The following SHISA6 variants were observed in gnomAD, a reference collection of about 807,000 sequenced individuals.
The protein encoded by SHISA6 is protein shisa-6.
In SHISA6, 22 loss-of-function variants were observed where a neutral mutation model predicts 47.9. The ratio of observed to expected loss-of-function variants is 0.46; its 90% CI spans 0.33 to 0.66. SHISA6 has a LOEUF of 0.66. SHISA6 is among the 30% of genes least tolerant of loss of function. The pLI is 0.02. For missense variants in SHISA6, 680 were observed against 764.6 expected (o/e 0.89, Z 1.30); for synonymous variants, 388 against 337.8 (o/e 1.15, Z -1.63).
chr17:11,384,355 A>T (rs1403002622), intron 3 of SHISA6, among the ~76,000 whole-genome samples: 1 of 152,218 alleles, frequency 6.6e-6, no homozygotes, highest in Admixed American at 6.5e-5. Flanking sequence ...AGGAAGTCAT[A>T]AAAAAGATAA....
chr17:11,241,653 C>T lies in SHISA6; in HGVS notation c.231C>T (p.Pro77=). 7.0e-7 allele frequency: 1 copy of T among 1,436,918 alleles called. No individual in the cohort carries two copies. The highest frequency in any genetic ancestry group is 9.1e-7 in the Non-Finnish European group (1 of 1,102,516). 89.0% of individuals were successfully genotyped at this position (1,436,918 alleles called of 1,614,324 possible). A position where few individuals can be genotyped will look rare whatever the true frequency, so the allele number is the denominator to read the frequency against. ...AGGCGGGAAGCCGGCGGGGGCAGCC[C>T]GCGGCGGCTGTGGCGGCGGCGGCCA... ...IPEAGSRRGQ[P]AAAVAAAASA... is the part of the protein sequence containing the mutation. Residue 77 remains proline (P), a synonymous_variant, in exon 1 of 6, where the codon CCC becomes CCT. Coordinates refer to ENST00000441885, the MANE Select transcript of SHISA6 (RefSeq NM_207386.4). The surrounding 1 kb of genome is among the most constrained non-coding windows in gnomAD (Gnocchi z 5.5).
At chr17:11,297,531 C>T (rs1909793385) in intron 2 of SHISA6, among the ~76,000 whole-genome samples, 1 of 152,146 alleles carries the variant, frequency 6.6e-6, no homozygotes, top group South Asian at 2.1e-4. Context: ...GCGAGGGCAA[C>T]AAAGGAGCAA....
intron 2 of SHISA6, among the ~76,000 whole-genome samples, chr17:11,348,375 A>G (rs977048249): frequency 6.6e-6 from 1 of 152,146 alleles, no homozygotes; most frequent in African/African-American, 2.4e-5. Flanking sequence ...GTCAACTATA[A>G]ATGATTTTTT....
In SHISA6 at chr17:11,449,348, CAGG is replaced by C. The variant is rs761435576; in HGVS notation, c.895+69842_895+69844del. 3.2e-4 allele frequency among the ~76,000 whole-genome samples: 49 copies of C among 152,182 alleles called. No individual in the cohort carries two copies. In the East Asian group the frequency reaches 4.1e-3, roughly 13 times the overall value. On this transcript the variant is annotated intron_variant, in intron 3 of 5. Transcript: ENST00000441885. ...GTCCCAGCTACTCAGGAGGCTAAGG[CAGG>C]AGAATTGCTTGACTCTGAGAAGCGG...
At chr17:11,479,499 T>C (rs1161786396) in intron 3 of SHISA6, among the ~76,000 whole-genome samples, 1 of 151,870 alleles carries the variant, frequency 6.6e-6, no homozygotes, top group East Asian at 1.9e-4. Flanking sequence ...TTAGGACAAA[T>C]ACCTAATGCC....
chr17:11,470,756 G>T (rs558141816), intron 3 of SHISA6, among the ~76,000 whole-genome samples: 1 of 89,990 alleles, frequency 1.1e-5, no homozygotes, highest in East Asian at 2.5e-4. Flanking sequence ...TTCTCATTTT[G>T]CCCTGACAAA....
intron 2 of SHISA6, among the ~76,000 whole-genome samples, chr17:11,315,638 GA>G (rs1403263494): frequency 2.0e-5 from 3 of 151,904 alleles, no homozygotes; most frequent in African/African-American, 7.3e-5. Context: ...TCTGCACTTC[GA>G]ATGATCATAC....
In SHISA6 at chr17:11,557,846, T is replaced by G; in HGVS notation, c.1198T>G (p.Ser400Ala). 6.4e-7 allele frequency: 1 copy of G among 1,551,250 alleles called. No individual in the cohort carries two copies. Among genetic ancestry groups the G allele is most frequent in the East Asian group, 2.4e-5 (1 of 40,896 alleles). The change falls in exon 6 of 6, where the codon TCC becomes GCC. Residue 400 changes from serine to alanine, a missense_variant. Transcript: ENST00000441885. ...CCTCCCCCTCAATGTCATCCAGATGTCCCAACAGAAGCCGTTGCCAAGGGA... is the reference window on the plus strand; with the variant it reads ...CCTCCCCCTCAATGTCATCCAGATGGCCCAACAGAAGCCGTTGCCAAGGGA... ...GTLPLNVIQM[S>A]QQKPLPRERP...
intron 2 of SHISA6, among the ~76,000 whole-genome samples, chr17:11,274,715 G>A (rs907758651): frequency 6.6e-6 from 1 of 152,210 alleles, no homozygotes; most frequent in East Asian, 1.9e-4. Context: ...TACAGGAGCT[G>A]AAAGGTGGAT....
intron 2 of SHISA6, among the ~76,000 whole-genome samples, chr17:11,264,843 A>G (rs879740009): frequency 2.2e-4 from 33 of 152,308 alleles, no homozygotes; most frequent in Non-Finnish European, 4.6e-4. Flanking sequence ...TCTTTTGAGA[A>G]CCTAATAAAG....
intron 3 of SHISA6, among the ~76,000 whole-genome samples, chr17:11,530,966 T>C (rs2071727132): frequency 6.6e-6 from 1 of 152,204 alleles, no homozygotes; most frequent in African/African-American, 2.4e-5. Flanking sequence ...AGCTGATGTT[T>C]GGTAGGTTAC....
intron 2 of SHISA6, among the ~76,000 whole-genome samples, chr17:11,272,764 C>A (rs1253126607): frequency 6.6e-6 from 1 of 152,118 alleles, no homozygotes; most frequent in Non-Finnish European, 1.5e-5. Context: ...GTCAGAAGTC[C>A]CAGTAAGTCC....
intron 2 of SHISA6, among the ~76,000 whole-genome samples, chr17:11,319,333 C>T (rs1910632632): frequency 6.6e-6 from 1 of 152,226 alleles, no homozygotes; most frequent in African/African-American, 2.4e-5. Flanking sequence ...CCCGCCTCGC[C>T]CTTCCAAAGT....
intron 2 of SHISA6, among the ~76,000 whole-genome samples, chr17:11,307,516 G>A (rs1277668878): frequency 6.6e-6 from 1 of 152,208 alleles, no homozygotes; most frequent in Non-Finnish European, 1.5e-5. Flanking sequence ...GTGGCTCACA[G>A]TACTCTTATT....
At chr17:11,460,300 C>T (rs1422985644) in intron 3 of SHISA6, among the ~76,000 whole-genome samples, 2 of 152,114 alleles carry the variant, frequency 1.3e-5, no homozygotes. Context: ...CTCCCAGAAG[C>T]AGCTTTGTAA....
At chr17:11,357,359 A>C (rs1912113825) in intron 2 of SHISA6, among the ~76,000 whole-genome samples, 1 of 152,086 alleles carries the variant, frequency 6.6e-6, no homozygotes, top group East Asian at 1.9e-4. Flanking sequence ...ATCAAAATGT[A>C]CCCTATTTCT....
At chr17:11,259,011 T>A (rs529980208) in intron 1 of SHISA6, among the ~76,000 whole-genome samples, 2 of 151,900 alleles carry the variant, frequency 1.3e-5, no homozygotes, top group South Asian at 4.2e-4. Context: ...AAGGATGAAG[T>A]CTTCAATGAT....
At chr17:11,362,866 C>G (rs1392404098) in intron 2 of SHISA6, among the ~76,000 whole-genome samples, 2 of 152,200 alleles carry the variant, frequency 1.3e-5, no homozygotes, top group Non-Finnish European at 2.9e-5. Flanking sequence ...GCCTGACTTT[C>G]TTTACCTTTC....
At chr17:11,534,481 A>G (rs756813322) in intron 3 of SHISA6, among the ~76,000 whole-genome samples, 1 of 152,126 alleles carries the variant, frequency 6.6e-6, no homozygotes, top group Non-Finnish European at 1.5e-5. Context: ...GGGAAGCAAA[A>G]AGATGAATTT....
Sources: allele counts gnomAD v4.1 joint callset (sites outside exome capture counted in the v4.1 genomes callset), GRCh38; gene constraint gnomAD v4.1.1; non-coding constraint Gnocchi (gnomAD v3.1); transcripts MANE v1.5; gene names NCBI Gene and HGNC (gene_info 2026-07-23, HGNC 2026-07-21).